Variants in ZNF624 observed in about 807,000 individuals in gnomAD.
The protein encoded by ZNF624 is zinc finger protein 624.
ZNF624 carries 43 observed loss-of-function variants against 74.7 expected under a neutral mutation model. That is an observed-to-expected ratio of 0.58 (90% confidence interval 0.45 to 0.74). ZNF624 has a LOEUF of 0.74. Among genes scored for constraint, ZNF624 ranks in the 30% least tolerant of loss-of-function variants. The pLI, the probability that ZNF624 is intolerant of heterozygous loss-of-function variation, is 0.00. For missense variants in ZNF624, 820 were observed against 1,030.0 expected, an observed-to-expected ratio of 0.80 and a Z score of 2.79; for synonymous variants, 331 against 341.3, an observed-to-expected ratio of 0.97 and a Z score of 0.33.
Position 16,622,731 on chromosome 17 carries a change from TATGTGTTCTTTG to T in ZNF624, c.2143_2154del (p.Gln715_His718del). The T allele has an allele frequency of 6.2e-7, 1 of 1,613,838 alleles. No homozygotes were observed. Among genetic ancestry groups the T allele is most frequent in the Non-Finnish European group, 8.5e-7 (1 of 1,179,978 alleles). ...TTACATTTAAATGGTTTCTCTCCAG[TATGTGTTCTTTG>T]ATGTGTATTAAAGCCTGAGTTACTT... is the stretch of plus-strand genomic sequence containing the variant. On this transcript the variant is annotated inframe_deletion, in exon 6 of 6. Transcript: ENST00000311331.
intron 3 of ZNF624, among the ~76,000 whole-genome samples, chr17:16,642,944 G>A (rs918886900): frequency 4.6e-5 from 7 of 152,072 alleles, no homozygotes; most frequent in African/African-American, 1.4e-4. Flanking sequence ...TAGTAATTAG[G>A]GAAATAAAGT....
chr17:16,635,263 G>T (rs1244138183), intron 3 of ZNF624, among the ~76,000 whole-genome samples: 6 of 151,384 alleles, frequency 4.0e-5, no homozygotes, highest in African/African-American at 1.2e-4. Flanking sequence ...CTTTGAAAAA[G>T]AAAAATAAAA....
At chr17:16,645,998 G>C (rs1909585343) in intron 3 of ZNF624, among the ~76,000 whole-genome samples, 1 of 134,176 alleles carries the variant, frequency 7.5e-6, no homozygotes, top group Admixed American at 7.3e-5. Flanking sequence ...AGAAAATCAA[G>C]CAAATACAAA....
In ZNF624 at chr17:16,647,309, T is replaced by C. The variant is rs754841031; in HGVS notation, c.153+20A>G. 4.6e-5 allele frequency: 73 copies of C among 1,595,216 alleles called. No homozygotes were observed. The highest frequency in any genetic ancestry group is 5.5e-5 in the Non-Finnish European group (64 of 1,162,802). The stretch of plus-strand genomic sequence containing the variant: ...AGGCATTTTCTCTGTATTCATTATA[T>C]GTACAACAGTAGGTATTACCTTTAC... On this transcript the variant is annotated intron_variant, in intron 3 of 5. Coordinates refer to ENST00000311331, the MANE Select transcript of ZNF624 (RefSeq NM_020787.4).
At chr17:16,645,294 C>T (rs1002534622) in intron 3 of ZNF624, among the ~76,000 whole-genome samples, 2 of 152,030 alleles carry the variant, frequency 1.3e-5, no homozygotes, top group African/African-American at 4.8e-5. Context: ...AAAAATTAGC[C>T]GGACATGGTG....
chr17:16,643,137 T>C (rs1002083149), intron 3 of ZNF624, among the ~76,000 whole-genome samples: 8 of 152,200 alleles, frequency 5.3e-5, no homozygotes, highest in African/African-American at 1.9e-4. Flanking sequence ...TGGTTTAACA[T>C]AGAATTATCA....
chr17:16,619,952 A>G (rs537103245), downstream of ZNF624, among the ~76,000 whole-genome samples: 52 of 152,370 alleles, frequency 3.4e-4, no homozygotes, highest in Admixed American at 1.8e-3. Context: ...AAAGTGGCAC[A>G]TTAACTATCC....
At chr17:16,617,959 G>T, downstream of ZNF624, 1 of 876,882 alleles carries the variant, frequency 1.1e-6, no homozygotes, top group Non-Finnish European at 1.8e-6. Flanking sequence ...CGGGTGCGGG[G>T]ACGGCAAGAG....
chr17:16,615,774 T>C (rs765516349), downstream of ZNF624, among the ~76,000 whole-genome samples: 46 of 151,848 alleles, frequency 3.0e-4, no homozygotes, highest in Non-Finnish European at 4.6e-4. Flanking sequence ...CTGGAGGTCC[T>C]AGCCAGTGCA....
chr17:16,624,788 G>A (rs908477674), intron 5 of ZNF624: 1 of 199,278 alleles, frequency 5.0e-6, no homozygotes, highest in African/African-American at 2.6e-5. Flanking sequence ...AGGCCAAGGT[G>A]AGAGAATTGC....
chr17:16,650,407 C>G (rs1909695361), intron 1 of ZNF624, among the ~76,000 whole-genome samples: 1 of 113,240 alleles, frequency 8.8e-6, no homozygotes, highest in African/African-American at 4.8e-5. Flanking sequence ...AAAAAGGAAG[C>G]AGGTATAATA....
intron 1 of ZNF624, among the ~76,000 whole-genome samples, chr17:16,650,411 TATAATA>T (rs58272736): frequency 3.5e-4 from 52 of 148,100 alleles, no homozygotes; most frequent in East Asian, 7.9e-4. Flanking sequence ...AGGAAGCAGG[TATAATA>T]ATAATAATAA....
rs1265462040 is a variant in ZNF624, at chr17:16,630,808, AT to A, written c.376+3053del. On this transcript the variant is annotated intron_variant, in intron 5 of 5. Coordinates refer to ENST00000311331, the MANE Select transcript of ZNF624 (RefSeq NM_020787.4). ...ACAATTATAACTTTGTATTTACATA[AT>A]AACACAGCTTCAAATACAGAAAGAA... Among the ~76,000 whole-genome samples, 4 of 151,034 alleles carry A rather than the reference AT, an allele frequency of 2.6e-5. No homozygotes were observed. In the East Asian group the frequency reaches 7.8e-4, roughly 29 times the overall value.
intron 5 of ZNF624, among the ~76,000 whole-genome samples, chr17:16,625,240 G>A (rs948575726): frequency 2.0e-5 from 3 of 151,852 alleles, no homozygotes; most frequent in African/African-American, 7.3e-5. Context: ...AGAGTGCAGT[G>A]GCATGATCTC....
intron 5 of ZNF624, among the ~76,000 whole-genome samples, chr17:16,632,276 A>G (rs1193899772): frequency 6.8e-6 from 1 of 147,944 alleles, no homozygotes; most frequent in Admixed American, 6.6e-5. Flanking sequence ...TCCTTTCTAG[A>G]TTTTATCTCC....
chr17:16,623,723 T>C lies in ZNF624; in HGVS notation c.1163A>G (p.Tyr388Cys), dbSNP rs1908988715. ...HQRIQTGEKP[Y>C]KCSECGKAFS... ...AGCTTTCCCGCATTCACTACATTTA[T>C]AGGGTTTCTCTCCAGTTTGAATTCT... Residue 388 changes from tyrosine to cysteine, a missense_variant, in exon 6 of 6, where the codon TAT becomes TGT. Physicochemically the swap from Tyr to Cys is radical, Grantham distance 194. Transcript: ENST00000311331. This position sits in a 1 kb window ranked among gnomAD's most constrained non-coding sequence, Gnocchi z 5.3. 2 of 1,613,524 alleles carry C rather than the reference T, an allele frequency of 1.2e-6. No individual in the cohort carries two copies. Among genetic ancestry groups the C allele is most frequent in the African/African-American group, 1.3e-5 (1 of 75,008 alleles).
chr17:16,625,952 T>C (rs1339539608), intron 5 of ZNF624, among the ~76,000 whole-genome samples: 4 of 151,356 alleles, frequency 2.6e-5, no homozygotes, highest in African/African-American at 4.9e-5. Flanking sequence ...ATGATTTTTT[T>C]TTTTTTTTAA....
At chr17:16,652,157 G>C (rs990560328) in intron 1 of ZNF624, among the ~76,000 whole-genome samples, 2 of 152,084 alleles carry the variant, frequency 1.3e-5, no homozygotes, top group Non-Finnish European at 2.9e-5. Context: ...ATTTTTGGGG[G>C]GGTACGGACC....
At position 16,623,719 on chromosome 17, in the gene ZNF624, T is replaced by C; in HGVS notation, c.1167A>G (p.Lys389=). Residue 389 remains lysine, a synonymous_variant, in exon 6 of 6, where the codon AAA becomes AAG. Transcript: ENST00000311331. The surrounding 1 kb of genome is among the most constrained non-coding windows in gnomAD (Gnocchi z 5.3). ...QRIQTGEKPY[K]CSECGKAFSD... is the part of the protein sequence containing the mutation. Reference sequence around the variant, plus strand: ...TAAAAGCTTTCCCGCATTCACTACATTTATAGGGTTTCTCTCCAGTTTGAA... The same window carrying C: ...TAAAAGCTTTCCCGCATTCACTACACTTATAGGGTTTCTCTCCAGTTTGAA... 6.2e-7 allele frequency: 1 copy of C among 1,613,346 alleles called. No individual in the cohort carries two copies. Among genetic ancestry groups the C allele is most frequent in the Non-Finnish European group, 8.5e-7 (1 of 1,179,820 alleles).
Sources: gnomAD v4.1 joint callset for allele counts (sites outside exome capture counted in the v4.1 genomes callset) on GRCh38, gnomAD v4.1.1 for gene constraint, Gnocchi (gnomAD v3.1) non-coding constraint, MANE v1.5 for transcripts, NCBI Gene and HGNC (gene_info 2026-07-23, HGNC 2026-07-21) for gene names.